Variants in C4orf33 observed in about 807,000 individuals in gnomAD.
C4orf33 encodes the protein chromosome 4 open reading frame 33.
Under a neutral mutation model 24.3 loss-of-function variants are expected in C4orf33, and 20 were observed. The ratio of observed to expected loss-of-function variants is 0.82; its 90% CI spans 0.58 to 1.19. The LOEUF is 1.19. Ranked by LOEUF, C4orf33 falls within the 50% of genes most tolerant of loss-of-function variation. The pLI is 0.00. For synonymous variants in C4orf33, 67 were observed against 76.4 expected, an observed-to-expected ratio of 0.88 and a Z score of 0.64; for missense variants, 207 against 225.9, an observed-to-expected ratio of 0.92 and a Z score of 0.54.
At chr4:129,102,822 C>T (rs1753399778) in intron 2 of C4orf33, 31 bp downstream of exon 2, 5 of 1,563,018 alleles carry the variant, frequency 3.2e-6, no homozygotes, top group Non-Finnish European at 3.5e-6. Flanking sequence ...TTATTGCAAA[C>T]ATAAATCTTC....
In C4orf33 at chr4:129,109,585, C is replaced by T. The variant is rs369274698; in HGVS notation, c.407C>T (p.Ala136Val). Residue 136 changes from alanine (A) to valine (V), a missense_variant, in exon 5 of 6, where the codon GCA (alanine) becomes GTA (valine). By Grantham distance (64) the Ala-to-Val change is moderately conservative. Transcript: ENST00000425929. Reference sequence around the variant, plus strand: ...AATGTGACAAAATTCAATTCATTTGCAATTCATGGATCAAAAGATAAACGA... The same window carrying T: ...AATGTGACAAAATTCAATTCATTTGTAATTCATGGATCAAAAGATAAACGA... ...PPNVTKFNSF[A>V]IHGSKDKRSY... 3.1e-6 allele frequency: 5 copies of T among 1,613,804 alleles called. No homozygotes were observed. The African/African-American group carries it at 6.7e-5, about 22-fold the overall frequency.
At chr4:129,102,302 T>C (rs1753378794) in intron 1 of C4orf33, 2 of 207,206 alleles carry the variant, frequency 9.7e-6, no homozygotes, top group Non-Finnish European at 1.9e-5. Context: ...AACACTTTTA[T>C]CACTTTTCAT....
chr4:129,106,690 G>T, intron 3 of C4orf33, 43 bp downstream of exon 3: 2 of 1,017,874 alleles, frequency 2.0e-6, no homozygotes, highest in South Asian at 3.0e-5. Flanking sequence ...TACATAATTT[G>T]AACGTGTTAT....
rs1289316282 is a variant in C4orf33, at chr4:129,112,138, GTGA to G, written c.*349_*351del. The G allele has an allele frequency of 6.1e-6, 1 of 164,378 alleles. No homozygotes were observed. The highest frequency in any genetic ancestry group is 1.7e-4 in the East Asian group (1 of 5,826). 10.2% of individuals were successfully genotyped at this position (164,378 alleles called of 1,614,324 possible). Reference sequence around the variant, plus strand: ...CTAGAGGACTGTCTTGCACTACCTTGTGATTCAACCATTTCATTCCTAGATATA... The same window carrying G: ...CTAGAGGACTGTCTTGCACTACCTTGTTCAACCATTTCATTCCTAGATATA... On this transcript the variant is annotated 3_prime_UTR_variant, in exon 6 of 6. Transcript: ENST00000425929.
rs1298268564 is a variant in C4orf33 at position 129,102,654 on chromosome 4, A to G, written c.44A>G (p.Lys15Arg). The G allele has an allele frequency of 2.0e-5, 32 of 1,613,902 alleles. No individual in the cohort carries two copies. Among genetic ancestry groups the G allele is most frequent in the Non-Finnish European group, 2.7e-5 (32 of 1,179,888 alleles). Residue 15 changes from lysine (K) to arginine (R), a missense_variant, in exon 2 of 6, where the codon AAG becomes AGG. Coordinates refer to ENST00000425929, the MANE Select transcript of C4orf33 (RefSeq NM_001099783.2). The stretch of plus-strand genomic sequence containing the variant: ...CACACTTGGGATGGTTTTCCAGTGA[A>G]GCATGAGCCCGTATTTATCAGGCTG... ...IEHTWDGFPV[K>R]HEPVFIRLNP...
chr4:129,095,107 A>C (rs1312038198), upstream of C4orf33, among the ~76,000 whole-genome samples: 1 of 152,094 alleles, frequency 6.6e-6, no homozygotes, highest in Non-Finnish European at 1.5e-5. Context: ...TATGATCATG[A>C]TAGTTTTTTG....
intron 2 of C4orf33, chr4:129,103,061 C>T (rs1280513262): frequency 1.2e-5 from 3 of 243,524 alleles, no homozygotes; most frequent in South Asian, 6.1e-5. Context: ...ACTCTGTTGC[C>T]CAGGTTGGAG....
At chr4:129,107,780 T>C (rs1393153312) in intron 3 of C4orf33, among the ~76,000 whole-genome samples, 2 of 152,060 alleles carry the variant, frequency 1.3e-5, no homozygotes, top group Non-Finnish European at 2.9e-5. Context: ...TCATAATTTG[T>C]CTAGAGAACA....
intron 5 of C4orf33, among the ~76,000 whole-genome samples, chr4:129,110,364 T>C (rs1456387426): frequency 6.6e-6 from 1 of 152,212 alleles, no homozygotes; most frequent in African/African-American, 2.4e-5. Flanking sequence ...GCTTTCTCAA[T>C]TTGAGTCTTG....
Position 129,113,513 on chromosome 4 carries a change from G to C in C4orf33, c.*1722G>C, listed in dbSNP as rs749998381. 2 of 152,174 alleles carry C rather than the reference G, an allele frequency of 1.3e-5. No individual in the cohort carries two copies. Among genetic ancestry groups the C allele is most frequent in the Non-Finnish European group, 2.9e-5 (2 of 68,026 alleles). The allele number at this position is 152,174 out of a possible 1,614,324, so 9.4% of individuals were successfully genotyped here. A position where few individuals can be genotyped will look rare whatever the true frequency, so the allele number is the denominator to read the frequency against. ...ATTTGTTTTTCAACTTCAGGACCAT[G>C]AAAGAATAATCATCCTTTTGTTTAA... is the stretch of plus-strand genomic sequence containing the variant. On this transcript the variant is annotated 3_prime_UTR_variant, in exon 6 of 6. Transcript: ENST00000425929.
chr4:129,101,759 GA>G (rs1472081139), intron 1 of C4orf33, among the ~76,000 whole-genome samples: 1 of 152,082 alleles, frequency 6.6e-6, no homozygotes, highest in Non-Finnish European at 1.5e-5. Context: ...TGAATACTTA[GA>G]ATACTAATTT....
Position 129,115,459 on chromosome 4 carries a change from G to C in C4orf33, c.*3668G>C, listed in dbSNP as rs535868188. The C allele has an allele frequency of 1.3e-5, 2 of 152,240 alleles. No homozygotes were observed. The highest frequency in any genetic ancestry group is 6.5e-5 in the Admixed American group (1 of 15,284). 9.4% of individuals were successfully genotyped at this position (152,240 alleles called of 1,614,324 possible). Reference sequence around the variant, plus strand: ...GACGTATATGCAAACCTGGAAGTTTGAGGGAATTGACAATAGGGACAGGAT... The same window carrying C: ...GACGTATATGCAAACCTGGAAGTTTCAGGGAATTGACAATAGGGACAGGAT... On this transcript the variant is annotated 3_prime_UTR_variant, in exon 6 of 6. Transcript: ENST00000425929.
At chr4:129,111,333 A>T in intron 5 of C4orf33, among the ~76,000 whole-genome samples, 1 of 152,244 alleles carries the variant, frequency 6.6e-6, no homozygotes, top group East Asian at 1.9e-4. Flanking sequence ...TATATGACTG[A>T]TATAAATTAT....
chr4:129,104,770 T>C (rs1005118504), intron 2 of C4orf33, among the ~76,000 whole-genome samples: 1 of 152,200 alleles, frequency 6.6e-6, no homozygotes, highest in Admixed American at 6.5e-5. Context: ...TTCTATTTTT[T>C]CCTGTAGCAA....
rs140572665 is a variant in C4orf33, at chr4:129,107,817, T to C, written c.242+1170T>C. On this transcript the variant is annotated intron_variant, in intron 3 of 5. Coordinates refer to ENST00000425929, the MANE Select transcript of C4orf33 (RefSeq NM_001099783.2). The stretch of plus-strand genomic sequence containing the variant: ...TAAAGAACTTGGATATCCTAAAATT[T>C]TGCCCTTAGTTTTAATTTTATTAGA... 9.9e-5 allele frequency among the ~76,000 whole-genome samples: 15 copies of C among 152,144 alleles called. No homozygotes were observed. In the East Asian group the frequency reaches 2.5e-3, roughly 25 times the overall value.
At chr4:129,111,112 A>G (rs1753682389) in intron 5 of C4orf33, among the ~76,000 whole-genome samples, 3 of 152,222 alleles carry the variant, frequency 2.0e-5, no homozygotes, top group African/African-American at 7.2e-5. Context: ...GTGACTTCCT[A>G]CAGAGTGGGG....
chr4:129,109,622 T>C lies in C4orf33; in HGVS notation c.444T>C (p.Ala148=). ...HGSKDKRSYE[A]LYPVPQHELQ... Reference sequence around the variant, plus strand: ...CAAAAGATAAACGAAGTTATGAAGCTCTTTACCCTGTACCTCAGCATGAAC... The same window carrying C: ...CAAAAGATAAACGAAGTTATGAAGCCCTTTACCCTGTACCTCAGCATGAAC... The change falls in exon 5 of 6, where the codon GCT becomes GCC. Residue 148 remains alanine, a synonymous_variant. Coordinates refer to ENST00000425929, the MANE Select transcript of C4orf33 (RefSeq NM_001099783.2). 6.2e-7 allele frequency: 1 copy of C among 1,614,036 alleles called. No individual in the cohort carries two copies. Among genetic ancestry groups the C allele is most frequent in the Non-Finnish European group, 8.5e-7 (1 of 1,179,998 alleles).
chr4:129,102,936 C>A, intron 2 of C4orf33, 145 bp downstream of exon 2: 1 of 606,522 alleles, frequency 1.6e-6, no homozygotes, highest in Non-Finnish European at 2.6e-6. Flanking sequence ...ACCAATCTCT[C>A]ATTCTGACTT....
chr4:129,111,509 C>T (rs1753689633), intron 5 of C4orf33, among the ~76,000 whole-genome samples, 177 bp from the exon 6 acceptor site: 2 of 152,172 alleles, frequency 1.3e-5, no homozygotes, highest in Admixed American at 1.3e-4. Flanking sequence ...GTTTTCAGAG[C>T]TGAGTGTTTG....
Sources: allele counts gnomAD v4.1 joint callset (sites outside exome capture counted in the v4.1 genomes callset), GRCh38; gene constraint gnomAD v4.1.1; transcripts MANE v1.5; gene names NCBI Gene and HGNC (gene_info 2026-07-23, HGNC 2026-07-21).